CMTM8: variants seen among roughly 807,000 people sequenced by gnomAD.
CMTM8 encodes CKLF-like MARVEL transmembrane domain-containing protein 8.
A neutral mutation model predicts 18.6 loss-of-function variants in CMTM8; 12 were observed. That is an observed-to-expected ratio of 0.65 (90% confidence interval 0.41 to 1.05). The LOEUF is 1.05. Among genes scored for constraint, CMTM8 ranks in the 50% least tolerant of loss-of-function variants. The probability of loss-of-function intolerance (pLI) is 0.00; values close to 1 mark genes in which losing one functional copy is unlikely to be tolerated. For missense variants in CMTM8, 217 were observed against 227.2 expected (o/e 0.95, Z 0.29); for synonymous variants, 87 against 90.6 (o/e 0.96, Z 0.23).
intron 1 of CMTM8, among the ~76,000 whole-genome samples, chr3:32,317,546 A>G (rs543004788): frequency 4.6e-5 from 7 of 152,362 alleles, no homozygotes; most frequent in Admixed American, 2.0e-4. Context: ...AACAATAGCC[A>G]TCACAATAAT....
intron 2 of CMTM8, among the ~76,000 whole-genome samples, chr3:32,360,440 C>A (rs1344536046): frequency 6.6e-6 from 1 of 152,206 alleles, no homozygotes; most frequent in African/African-American, 2.4e-5. Flanking sequence ...ACTAAATACA[C>A]CTTTGTAACT....
intron 1 of CMTM8, among the ~76,000 whole-genome samples, chr3:32,297,693 A>G (rs914582334): frequency 2.0e-5 from 3 of 152,154 alleles, no homozygotes; most frequent in African/African-American, 7.2e-5. Flanking sequence ...ATGGTGAAAG[A>G]TAACAATTTC....
At chr3:32,319,057 C>CATACATATATATATATATATATAT (rs1206855049) in intron 1 of CMTM8, among the ~76,000 whole-genome samples, 3 of 45,882 alleles carry the variant, frequency 6.5e-5, no homozygotes, top group African/African-American at 3.0e-4. Context: ...TGTGTATATA[C>CATACATATATATATATATATATAT]ATATATATAT....
intron 1 of CMTM8, among the ~76,000 whole-genome samples, chr3:32,255,869 G>A (rs1257369276): frequency 1.3e-5 from 2 of 151,902 alleles, no homozygotes; most frequent in Non-Finnish European, 2.9e-5. Context: ...GGGACTACAG[G>A]TACTTGCCAC....
At chr3:32,354,835 G>A (rs571800915) in intron 1 of CMTM8, among the ~76,000 whole-genome samples, 1 of 152,306 alleles carries the variant, frequency 6.6e-6, no homozygotes, top group East Asian at 1.9e-4. Context: ...CATGTGTATA[G>A]ATTACCTGTC....
rs116135362 is a variant in CMTM8, at chr3:32,335,804, T to C, written c.148-21569T>C. Reference sequence around the variant, plus strand: ...GGAATATAGATTCCTAAAGGGCATGTATGTCTGCCAGGGCCCTTTCAGTTT... The same window carrying C: ...GGAATATAGATTCCTAAAGGGCATGCATGTCTGCCAGGGCCCTTTCAGTTT... On this transcript the variant is annotated intron_variant, in intron 1 of 3. Coordinates refer to ENST00000307526, the MANE Select transcript of CMTM8 (RefSeq NM_178868.5). 6.4e-3 allele frequency among the ~76,000 whole-genome samples: 969 copies of C among 152,310 alleles called. 13 individuals are homozygous for C. Among genetic ancestry groups the C allele is most frequent in the African/African-American group, 0.022 (915 of 41,560 alleles).
intron 1 of CMTM8, among the ~76,000 whole-genome samples, chr3:32,306,357 C>T (rs973289947): frequency 3.9e-5 from 6 of 152,178 alleles, no homozygotes; most frequent in Non-Finnish European, 5.9e-5. Flanking sequence ...AACCAAGGCA[C>T]GAGTCCAATC....
chr3:32,328,047 C>T (rs1469287348), intron 1 of CMTM8, among the ~76,000 whole-genome samples: 3 of 152,012 alleles, frequency 2.0e-5, no homozygotes, highest in East Asian at 3.9e-4. Flanking sequence ...CTCATCTCTA[C>T]AAAAAATTTA....
chr3:32,296,063 T>G (rs1400062788), intron 1 of CMTM8, among the ~76,000 whole-genome samples: 1 of 152,178 alleles, frequency 6.6e-6, no homozygotes, highest in Non-Finnish European at 1.5e-5. Flanking sequence ...TTTTCCCACC[T>G]CTCAGTCTGT....
intron 1 of CMTM8, chr3:32,259,072 G>A (rs1702216218): frequency 5.4e-6 from 2 of 373,204 alleles, no homozygotes; most frequent in Admixed American, 6.7e-5. Context: ...GGCAGGGGGT[G>A]GCTCTGGTTC....
chr3:32,266,415 T>TA lies in CMTM8; in HGVS notation c.147+27301dup, dbSNP rs765704212. Among the ~76,000 whole-genome samples the TA allele has an allele frequency of 1.5e-3, 224 of 152,276 alleles. 1 individual carries two copies. The highest frequency in any genetic ancestry group is 0.012 in the East Asian group (64 of 5,182). ...GACAAAATTCAACAGCCCTTCATGC[T>TA]AAAAACTCTCAATAAATTAGGTATT... On this transcript the variant is annotated intron_variant, in intron 1 of 3. Transcript: ENST00000307526.
At chr3:32,271,897 T>A (rs985934069) in intron 1 of CMTM8, among the ~76,000 whole-genome samples, 2 of 152,220 alleles carry the variant, frequency 1.3e-5, no homozygotes, top group Admixed American at 1.3e-4. Flanking sequence ...ATTTTCTTGT[T>A]GTTTAGTGTT....
chr3:32,363,193 T>C (rs1055961402), intron 2 of CMTM8, among the ~76,000 whole-genome samples: 1 of 152,196 alleles, frequency 6.6e-6, no homozygotes, highest in Non-Finnish European at 1.5e-5. Context: ...TTAAAACTTA[T>C]TTCTCTCTCC....
At chr3:32,349,687 G>A (rs749422788) in intron 1 of CMTM8, among the ~76,000 whole-genome samples, 103 of 152,106 alleles carry the variant, frequency 6.8e-4, no homozygotes, top group Middle Eastern at 3.2e-3. Flanking sequence ...AGTGTACAGT[G>A]CACAGGGCAG....
At chr3:32,330,528 A>G (rs1696254029) in intron 1 of CMTM8, among the ~76,000 whole-genome samples, 1 of 152,212 alleles carries the variant, frequency 6.6e-6, no homozygotes, top group Admixed American at 6.5e-5. Flanking sequence ...ACAAAGCTAC[A>G]GTAATCAAAA....
chr3:32,357,630 T>C, intron 2 of CMTM8, 84 bp downstream of exon 2: 1 of 1,375,088 alleles, frequency 7.3e-7, no homozygotes, highest in Non-Finnish European at 1.0e-6. Context: ...CAAGACTGTC[T>C]CTCTGCCCAG....
chr3:32,356,449 C>T (rs1210707154), intron 1 of CMTM8, among the ~76,000 whole-genome samples: 1 of 152,212 alleles, frequency 6.6e-6, no homozygotes, highest in Non-Finnish European at 1.5e-5. Context: ...CAGTTTAGGT[C>T]AGTTTCCTTT....
chr3:32,300,565 G>T (rs1695594625), intron 1 of CMTM8, among the ~76,000 whole-genome samples: 1 of 152,178 alleles, frequency 6.6e-6, no homozygotes, highest in South Asian at 2.1e-4. Flanking sequence ...TTACTTTAGG[G>T]TATTGTCTTC....
intron 1 of CMTM8, among the ~76,000 whole-genome samples, chr3:32,255,830 A>G (rs1364842477): frequency 6.6e-6 from 1 of 151,946 alleles, no homozygotes; most frequent in South Asian, 2.1e-4. Flanking sequence ...GGCTCAGGTG[A>G]TCCTCCCACT....
Sources: gnomAD v4.1 joint callset for allele counts (sites outside exome capture counted in the v4.1 genomes callset) on GRCh38, gnomAD v4.1.1 for gene constraint, MANE v1.5 for transcripts, NCBI Gene and HGNC (gene_info 2026-07-23, HGNC 2026-07-21) for gene names.